Variants in PDZRN3 observed in about 807,000 individuals in gnomAD.
PDZRN3 encodes E3 ubiquitin-protein ligase PDZRN3.
Under a neutral mutation model 85.7 loss-of-function variants are expected in PDZRN3, and 38 were observed. The observed-to-expected ratio is 0.44, with a 90% CI of 0.34 to 0.58. The LOEUF is 0.58. Ranked by LOEUF, PDZRN3 falls within the 20% of genes least tolerant of loss-of-function variation. PDZRN3 has a pLI of 0.01. For missense variants in PDZRN3, 1,629 were observed against 1,506.4 expected, an observed-to-expected ratio of 1.08 and a Z score of -1.35; for synonymous variants, 759 against 638.0, an observed-to-expected ratio of 1.19 and a Z score of -2.86.
At chr3:73,603,486 G>A (rs1369246700) in intron 2 of PDZRN3, among the ~76,000 whole-genome samples, 5 of 152,076 alleles carry the variant, frequency 3.3e-5, no homozygotes, top group African/African-American at 1.2e-4. Context: ...ATTAACAGAT[G>A]GATTTATAAA....
intron 2 of PDZRN3, among the ~76,000 whole-genome samples, chr3:73,607,150 G>T (rs1474073405): frequency 6.6e-6 from 1 of 152,190 alleles, no homozygotes; most frequent in African/African-American, 2.4e-5. Context: ...CTTTCTTCTA[G>T]CTCAGGGGTC....
intron 3 of PDZRN3, among the ~76,000 whole-genome samples, chr3:73,547,835 T>G (rs1212911979): frequency 2.0e-5 from 3 of 152,222 alleles, no homozygotes; most frequent in African/African-American, 7.2e-5. Context: ...TGCTTTTATT[T>G]ACTCTTGGCA....
At chr3:73,540,806 T>C (rs1023753463) in intron 3 of PDZRN3, among the ~76,000 whole-genome samples, 1 of 152,140 alleles carries the variant, frequency 6.6e-6, no homozygotes, top group Non-Finnish European at 1.5e-5. Context: ...ACTAACACAA[T>C]GATAAAGCAC....
intron 3 of PDZRN3, among the ~76,000 whole-genome samples, chr3:73,433,474 A>G (rs773343227): frequency 3.3e-5 from 5 of 152,262 alleles, no homozygotes; most frequent in Admixed American, 6.5e-5. Context: ...AAAATTTTAT[A>G]ACAGACTTAA....
In PDZRN3 at chr3:73,535,871, G is replaced by A. The variant is rs1290328345; in HGVS notation, c.918+66483C>T. Among the ~76,000 whole-genome samples the A allele has an allele frequency of 2.6e-5, 4 of 152,316 alleles. No individual in the cohort carries two copies. In the East Asian group the frequency reaches 7.7e-4, roughly 29 times the overall value. ...AACAAGCAAAGCAGACTCTAGCTAT[G>A]CCCTGAAGTAACTTGGCTTAGGAAT... is the stretch of plus-strand genomic sequence containing the variant. On this transcript the variant is annotated intron_variant, in intron 3 of 9. Coordinates refer to ENST00000263666, the MANE Select transcript of PDZRN3 (RefSeq NM_015009.3).
intron 3 of PDZRN3, among the ~76,000 whole-genome samples, chr3:73,561,140 T>G (rs979786356): frequency 6.6e-6 from 1 of 152,258 alleles, no homozygotes; most frequent in African/African-American, 2.4e-5. Context: ...ATTGATCTAC[T>G]GGATGGCTGA....
At chr3:73,578,532 A>T (rs1030099406) in intron 3 of PDZRN3, among the ~76,000 whole-genome samples, 3 of 152,166 alleles carry the variant, frequency 2.0e-5, no homozygotes, top group African/African-American at 7.2e-5. Context: ...GGAAAAGGAA[A>T]TTAAAGATTC....
At chr3:73,577,680 T>A (rs1702145101) in intron 3 of PDZRN3, among the ~76,000 whole-genome samples, 1 of 152,126 alleles carries the variant, frequency 6.6e-6, no homozygotes, top group East Asian at 1.9e-4. Context: ...CTCTCCAGAG[T>A]GCACAGCTCC....
At chr3:73,562,992 TA>T (rs1701854948) in intron 3 of PDZRN3, among the ~76,000 whole-genome samples, 3 of 25,586 alleles carry the variant, frequency 1.2e-4, no homozygotes, top group African/African-American at 5.6e-4. Context: ...ATTATATATA[TA>T]TATATATATA....
In PDZRN3 at chr3:73,492,983, C is replaced by CATT. The variant is rs1559707030; in HGVS notation, c.919-88589_919-88588insAAT. On this transcript the variant is annotated intron_variant, in intron 3 of 9. Coordinates refer to ENST00000263666, the MANE Select transcript of PDZRN3 (RefSeq NM_015009.3). Reference sequence around the variant, plus strand: ...TTAGACTAGATGGAAGGCTTTTCAACCTTTTTTTTTTTTTTTTTTGGCCCT... The same window carrying CATT: ...TTAGACTAGATGGAAGGCTTTTCAACATTCTTTTTTTTTTTTTTTTTTGGCCCT... Among the ~76,000 whole-genome samples, 186 of 29,368 alleles carry CATT rather than the reference C, an allele frequency of 6.3e-3. 1 individual carries two copies. The highest frequency in any genetic ancestry group is 0.011 in the African/African-American group (176 of 16,756). The allele number at this position is 29,368 out of a possible 152,430, so 19.3% of individuals were successfully genotyped here. A position where few individuals can be genotyped will look rare whatever the true frequency, so the allele number is the denominator to read the frequency against.
intron 3 of PDZRN3, among the ~76,000 whole-genome samples, chr3:73,568,135 A>G (rs1052614973): frequency 6.6e-6 from 1 of 152,162 alleles, no homozygotes; most frequent in Admixed American, 6.6e-5. Context: ...AGCCATGTGA[A>G]GCCAGCAATC....
At chr3:73,509,918 C>T (rs1487477849) in intron 3 of PDZRN3, among the ~76,000 whole-genome samples, 2 of 152,190 alleles carry the variant, frequency 1.3e-5, no homozygotes, top group African/African-American at 4.8e-5. Context: ...GCCACCCTTT[C>T]CTTGAAAGCA....
At chr3:73,449,075 A>G (rs1050583172) in intron 3 of PDZRN3, among the ~76,000 whole-genome samples, 1 of 152,208 alleles carries the variant, frequency 6.6e-6, no homozygotes, top group African/African-American at 2.4e-5. Flanking sequence ...GGGGGAAGAA[A>G]TCACAGATAA....
At chr3:73,506,728 TAA>T (rs1575697328) in intron 3 of PDZRN3, among the ~76,000 whole-genome samples, 1 of 152,048 alleles carries the variant, frequency 6.6e-6, no homozygotes, top group African/African-American at 2.4e-5. Flanking sequence ...AAGGAAAACA[TAA>T]GTTAATGGAA....
intron 2 of PDZRN3, among the ~76,000 whole-genome samples, chr3:73,605,467 T>C (rs1702585939): frequency 6.6e-6 from 1 of 152,186 alleles, no homozygotes; most frequent in Non-Finnish European, 1.5e-5. Flanking sequence ...GCTGTTTCTT[T>C]AGGGTTATGA....
chr3:73,563,013 A>ATATATATATTT (rs1187151191), intron 3 of PDZRN3, among the ~76,000 whole-genome samples: 2 of 43,778 alleles, frequency 4.6e-5, no homozygotes, highest in Admixed American at 4.2e-4. Flanking sequence ...ATATATATAT[A>ATATATATATTT]TTTTTTTTTT....
intron 3 of PDZRN3, among the ~76,000 whole-genome samples, chr3:73,537,354 T>C (rs999598377): frequency 6.6e-6 from 1 of 152,188 alleles, no homozygotes; most frequent in African/African-American, 2.4e-5. Flanking sequence ...AAGTAATAAA[T>C]ATTGTGTTAA....
At chr3:73,501,043 T>G (rs1703968175) in intron 3 of PDZRN3, among the ~76,000 whole-genome samples, 2 of 152,224 alleles carry the variant, frequency 1.3e-5, no homozygotes, top group Non-Finnish European at 2.9e-5. Flanking sequence ...CTCTTCTCTT[T>G]CCCTACCAAT....
intron 3 of PDZRN3, among the ~76,000 whole-genome samples, chr3:73,439,369 C>T (rs947246513): frequency 2.0e-5 from 3 of 152,148 alleles, no homozygotes; most frequent in African/African-American, 7.2e-5. Flanking sequence ...CTAAAAGAAT[C>T]ACTTTTTGTG....
Sources: gnomAD v4.1 joint callset for allele counts (sites outside exome capture counted in the v4.1 genomes callset) on GRCh38, gnomAD v4.1.1 for gene constraint, MANE v1.5 for transcripts, NCBI Gene and HGNC (gene_info 2026-07-23, HGNC 2026-07-21) for gene names.